Variants in HEATR5B observed in about 807,000 individuals in gnomAD.
The protein encoded by HEATR5B is HEAT repeat containing 5B.
A neutral mutation model predicts 224.1 loss-of-function variants in HEATR5B; 156 were observed. That is an observed-to-expected ratio of 0.70 (90% confidence interval 0.61 to 0.80). The LOEUF (loss-of-function observed/expected upper bound fraction) is 0.80, where lower values mean the gene tolerates loss of function less well. Ranked by LOEUF, HEATR5B falls within the 30% of genes least tolerant of loss-of-function variation. The pLI is 0.00. For missense variants in HEATR5B, 2,323 were observed against 2,535.5 expected (o/e 0.92, Z 1.80); for synonymous variants, 1,027 against 893.0 (o/e 1.15, Z -2.68).
chr2:37,026,052 C>A (rs1668750931), intron 24 of HEATR5B, among the ~76,000 whole-genome samples: 1 of 152,174 alleles, frequency 6.6e-6, no homozygotes, highest in South Asian at 2.1e-4. Context: ...AACATGGAGA[C>A]TGGCCTAAAT....
At chr2:37,026,472 C>T (rs1668780637) in intron 24 of HEATR5B, among the ~76,000 whole-genome samples, 1 of 152,140 alleles carries the variant, frequency 6.6e-6, no homozygotes, top group Admixed American at 6.6e-5. Flanking sequence ...TTCAAAATAA[C>T]CTCTTCTGTG....
At chr2:37,063,762 T>C (rs1279285561) in intron 10 of HEATR5B, among the ~76,000 whole-genome samples, 1 of 152,264 alleles carries the variant, frequency 6.6e-6, no homozygotes, top group South Asian at 2.1e-4. Flanking sequence ...AAAACCATGA[T>C]AGTAGTATAC....
chr2:37,073,622 T>C (rs1278778846), intron 5 of HEATR5B, among the ~76,000 whole-genome samples: 1 of 152,226 alleles, frequency 6.6e-6, no homozygotes, highest in African/African-American at 2.4e-5. Context: ...TATTTGTACA[T>C]TTAACACTAC....
rs147712304 is a variant in HEATR5B, at chr2:37,037,954, T to C, written c.3117A>G (p.Ser1039=). 1.9e-5 allele frequency: 31 copies of C among 1,602,794 alleles called. No homozygotes were observed. Among genetic ancestry groups the C allele is most frequent in the African/African-American group, 5.4e-5 (4 of 74,712 alleles). Residue 1039 remains serine, a synonymous_variant, in exon 21 of 36, where the codon TCA becomes TCG. Coordinates refer to ENST00000233099, the MANE Select transcript of HEATR5B (RefSeq NM_019024.3). ...TGGCAGCTGCCTGAACAAGAGAATC[T>C]GAATGGTCTTGTGTTATTGCACAAC... ...LVGCAITQDH[S]DSLVQAAAIS... is the part of the protein sequence containing the mutation.
chr2:37,061,244 A>G (rs926787350), intron 11 of HEATR5B, among the ~76,000 whole-genome samples: 21 of 152,206 alleles, frequency 1.4e-4, no homozygotes, highest in African/African-American at 5.1e-4. Context: ...CTATATTTAC[A>G]TTGCTAAAAA....
At chr2:37,024,993 G>A (rs913859237) in intron 24 of HEATR5B, among the ~76,000 whole-genome samples, 1 of 152,134 alleles carries the variant, frequency 6.6e-6, no homozygotes. Context: ...AAGATAATTC[G>A]GTGGTGTATT....
chr2:37,046,130 C>G (rs1670176770), intron 18 of HEATR5B, among the ~76,000 whole-genome samples: 1 of 152,056 alleles, frequency 6.6e-6, no homozygotes. Flanking sequence ...ATAAAAGAAG[C>G]TATGAAGAAA....
intron 13 of HEATR5B, 114 bp from the exon 14 acceptor site, chr2:37,058,674 A>C (rs776305327): frequency 2.7e-6 from 2 of 744,092 alleles, no homozygotes; most frequent in Non-Finnish European, 4.5e-6. Flanking sequence ...ATACACTTTC[A>C]TTTTAGCTTA....
chr2:37,081,807 C>T (rs1196686523), intron 2 of HEATR5B, among the ~76,000 whole-genome samples: 2 of 152,048 alleles, frequency 1.3e-5, no homozygotes, highest in Non-Finnish European at 2.9e-5. Flanking sequence ...TTAAAGTCCC[C>T]AGTCTTCTCC....
At chr2:37,060,396 C>T (rs1331314940) in intron 12 of HEATR5B, among the ~76,000 whole-genome samples, 185 bp downstream of exon 12, 2 of 152,074 alleles carry the variant, frequency 1.3e-5, no homozygotes, top group Admixed American at 1.3e-4. Context: ...GTCTGGGTTT[C>T]ATTTTTATTA....
chr2:37,075,413 G>GA, intron 5 of HEATR5B, 72 bp downstream of exon 5: 1 of 1,153,520 alleles, frequency 8.7e-7, no homozygotes, highest in African/African-American at 1.6e-5. Context: ...AATTTTAAAA[G>GA]AAAAAAAAAT....
intron 2 of HEATR5B, among the ~76,000 whole-genome samples, chr2:37,082,762 G>A (rs537383513): frequency 1.4e-4 from 22 of 152,258 alleles, no homozygotes; most frequent in African/African-American, 4.8e-4. Context: ...GTAAATCTCT[G>A]TTCCGGGGTC....
At chr2:37,065,153 G>A (rs1385208302) in intron 9 of HEATR5B, among the ~76,000 whole-genome samples, 163 bp from the exon 10 acceptor site, 2 of 151,960 alleles carry the variant, frequency 1.3e-5, no homozygotes, top group African/African-American at 2.4e-5. Flanking sequence ...TACTTCAAAG[G>A]AACATTTTCT....
intron 11 of HEATR5B, among the ~76,000 whole-genome samples, chr2:37,061,685 A>G (rs1558362046): frequency 6.6e-6 from 1 of 152,158 alleles, no homozygotes; most frequent in Non-Finnish European, 1.5e-5. Flanking sequence ...TAAACACTAA[A>G]CTCATCAGGT....
In HEATR5B at chr2:37,008,840, C is replaced by G. The variant is rs774599123; in HGVS notation, c.4293G>C (p.Val1431=). Residue 1431 remains valine, a synonymous_variant, in exon 28 of 36, where the codon GTG becomes GTC. Coordinates refer to ENST00000233099, the MANE Select transcript of HEATR5B (RefSeq NM_019024.3). ...CTTCCTTTTTAATATTCATAGCGAC[C>G]ACATATACCTAATATGATATTTATG... ...AVLKAWAEVY[V]VAMNIKKEAE... is the part of the protein sequence containing the mutation. 6.3e-7 allele frequency: 1 copy of G among 1,586,984 alleles called. No individual in the cohort carries two copies. The highest frequency in any genetic ancestry group is 1.7e-5 in the Admixed American group (1 of 59,802).
At chr2:37,070,142 T>C (rs143933017) in intron 7 of HEATR5B, 88 bp downstream of exon 7, 56,882 of 1,236,144 alleles carry the variant, frequency 0.046, 1,548 homozygotes, top group Non-Finnish European at 0.054. Context: ...TCAGGCAATC[T>C]GCCCGCCTTG....
chr2:37,006,128 C>A (rs1228569783), intron 29 of HEATR5B, among the ~76,000 whole-genome samples: 2 of 151,790 alleles, frequency 1.3e-5, no homozygotes, highest in Non-Finnish European at 2.9e-5. Flanking sequence ...TTCATGCATA[C>A]AAAGTTTTTA....
rs760705208 is a variant in HEATR5B, at chr2:37,068,940, G to T, written c.928-10C>A. 2.6e-5 allele frequency: 42 copies of T among 1,607,028 alleles called. No individual in the cohort carries two copies. Among genetic ancestry groups the T allele is most frequent in the Middle Eastern group, 3.3e-4 (2 of 6,038 alleles). ...CAAAAACAACATACGCCTGTAAAAA[G>T]AGGAAGGTACGACTTCAGATACACT... On this transcript the variant is annotated splice_polypyrimidine_tract_variant and intron_variant, in intron 7 of 35. Transcript: ENST00000233099.
rs1206611473 is a variant in HEATR5B, at chr2:37,008,804, T to C, written c.4329A>G (p.Lys1443=). ...AMNIKKEAES[K]PKRAIKNTDD... ...CAGTATTTTTAATTGCTCTTTTTGG[T>C]TTTGACTCTGCTTCCTTTTTAATAT... Residue 1443 remains lysine (K), a synonymous_variant, in exon 28 of 36, where the codon AAA becomes AAG. Transcript: ENST00000233099. 3.1e-6 allele frequency: 5 copies of C among 1,613,984 alleles called. No homozygotes were observed. In the East Asian group the frequency reaches 1.1e-4, roughly 36 times the overall value.
Sources: allele counts gnomAD v4.1 joint callset (sites outside exome capture counted in the v4.1 genomes callset), GRCh38; gene constraint gnomAD v4.1.1; transcripts MANE v1.5; gene names NCBI Gene and HGNC (gene_info 2026-07-23, HGNC 2026-07-21).